KCNH1: variants seen among roughly 807,000 people sequenced by gnomAD.
The protein encoded by KCNH1 is potassium voltage-gated channel subfamily H member 1.
In KCNH1, 27 loss-of-function variants were observed where a neutral mutation model predicts 69.2. The observed-to-expected ratio is 0.39, with a 90% CI of 0.29 to 0.54. The LOEUF (loss-of-function observed/expected upper bound fraction) is 0.54, where lower values mean the gene tolerates loss of function less well. Ranked by LOEUF, KCNH1 falls within the 20% of genes least tolerant of loss-of-function variation. The probability of loss-of-function intolerance (pLI) is 0.68; values close to 1 mark genes in which losing one functional copy is unlikely to be tolerated. For synonymous variants in KCNH1, 456 were observed against 487.7 expected, an observed-to-expected ratio of 0.93 and a Z score of 0.86; for missense variants, 798 against 1,261.6, an observed-to-expected ratio of 0.63 and a Z score of 5.57.
chr1:211,013,563 C>T (rs1486533448), intron 6 of KCNH1, among the ~76,000 whole-genome samples: 2 of 152,220 alleles, frequency 1.3e-5, no homozygotes, highest in African/African-American at 4.8e-5. Flanking sequence ...TCTGAAGAGA[C>T]AGCATGACCC....
At chr1:211,010,977 A>G (rs965067868) in intron 6 of KCNH1, among the ~76,000 whole-genome samples, 1 of 152,036 alleles carries the variant, frequency 6.6e-6, no homozygotes, top group Non-Finnish European at 1.5e-5. Context: ...CCCCAGTGCT[A>G]AACTCTTTTT....
chr1:211,047,298 G>A (rs1690110244), intron 5 of KCNH1, among the ~76,000 whole-genome samples: 1 of 152,154 alleles, frequency 6.6e-6, no homozygotes, highest in Admixed American at 6.5e-5. Context: ...CTCAGACATA[G>A]ATTTGTAATG....
intron 6 of KCNH1, among the ~76,000 whole-genome samples, chr1:210,995,366 A>C (rs1689010256): frequency 6.6e-6 from 1 of 152,222 alleles, no homozygotes; most frequent in Non-Finnish European, 1.5e-5. Flanking sequence ...AGATAAACTT[A>C]AGCCACTAAA....
chr1:211,115,730 T>TATATACAC (rs1159442976), intron 1 of KCNH1, among the ~76,000 whole-genome samples: 3 of 87,032 alleles, frequency 3.4e-5, no homozygotes, highest in African/African-American at 7.4e-5. Context: ...TATATATATA[T>TATATACAC]ACACACACAC....
intron 6 of KCNH1, among the ~76,000 whole-genome samples, chr1:210,983,441 T>G (rs994575339): frequency 6.6e-6 from 1 of 152,312 alleles, no homozygotes; most frequent in South Asian, 2.1e-4. Flanking sequence ...TTGAATTAAT[T>G]TTTGTGTAAG....
At chr1:210,959,211 C>G (rs1235559974) in intron 6 of KCNH1, among the ~76,000 whole-genome samples, 2 of 152,184 alleles carry the variant, frequency 1.3e-5, no homozygotes, top group African/African-American at 4.8e-5. Context: ...GAGGTCCACT[C>G]CAGACCCTGT....
intron 7 of KCNH1, among the ~76,000 whole-genome samples, chr1:210,816,142 A>G (rs1410029310): frequency 6.6e-6 from 1 of 152,198 alleles, no homozygotes; most frequent in East Asian, 1.9e-4. Context: ...TAGGCATAGA[A>G]AGAAGCTCCC....
intron 5 of KCNH1, among the ~76,000 whole-genome samples, chr1:211,069,517 T>C (rs1237455045): frequency 6.6e-6 from 1 of 152,046 alleles, no homozygotes; most frequent in African/African-American, 2.4e-5. Context: ...GTGGACAATA[T>C]GCAAGAACAG....
At chr1:210,789,517 A>C (rs1684173694) in intron 9 of KCNH1, among the ~76,000 whole-genome samples, 1 of 152,240 alleles carries the variant, frequency 6.6e-6, no homozygotes, top group Non-Finnish European at 1.5e-5. Context: ...CAAGACATCT[A>C]TATGAAAAAT....
At chr1:211,123,685 T>TAGGAATG (rs1357738189) in intron 1 of KCNH1, among the ~76,000 whole-genome samples, 1 of 151,748 alleles carries the variant, frequency 6.6e-6, no homozygotes, top group Non-Finnish European at 1.5e-5. Context: ...TGAAGGGACA[T>TAGGAATG]AGGGCATGGG....
chr1:210,718,661 CACACACACA>C (rs1682369156), intron 10 of KCNH1, among the ~76,000 whole-genome samples: 1 of 76,846 alleles, frequency 1.3e-5, no homozygotes, highest in African/African-American at 9.4e-5. Context: ...TACACACACA[CACACACACA>C]CACACACACA....
Position 210,683,589 on chromosome 1 carries a change from C to T in KCNH1, c.2662G>A (p.Asp888Asn), listed in dbSNP as rs778733037. ...TCACCCACGTTGTCCAGGCGCAAGT[C>T]GCTCTTGGTGATGCCACTGTCACAC... Reference protein sequence around the residue: ...DSCDSGITKSDLRLDNVGEAR... With the variant: ...DSCDSGITKSNLRLDNVGEAR... The change falls in exon 11 of 11, where the codon GAC (aspartate) becomes AAC (asparagine). Residue 888 changes from aspartate to asparagine, a missense_variant. Physicochemically the swap from Asp to Asn is conservative, Grantham distance 23. This residue lies in a region of KCNH1 where 331 missense variants were observed against 363.2 expected (regional missense o/e 0.91). Transcript: ENST00000271751. This position sits in a 1 kb window ranked among gnomAD's most constrained non-coding sequence, Gnocchi z 5.7. 8.7e-6 allele frequency: 14 copies of T among 1,614,184 alleles called. No homozygotes were observed. Among genetic ancestry groups the T allele is most frequent in the Non-Finnish European group, 1.2e-5 (14 of 1,180,032 alleles).
chr1:210,948,851 GA>G (rs925571238), intron 6 of KCNH1, among the ~76,000 whole-genome samples: 1 of 148,576 alleles, frequency 6.7e-6, no homozygotes, highest in Non-Finnish European at 1.5e-5. Context: ...AAAAAAAAAA[GA>G]AAAAAATATC....
intron 10 of KCNH1, among the ~76,000 whole-genome samples, chr1:210,765,897 A>G (rs1683620237): frequency 6.6e-6 from 1 of 151,858 alleles, no homozygotes; most frequent in African/African-American, 2.4e-5. Context: ...CCCTGTCTCC[A>G]ATAAAAATAC....
At chr1:210,715,595 A>C (rs1474951345) in intron 10 of KCNH1, among the ~76,000 whole-genome samples, 1 of 152,058 alleles carries the variant, frequency 6.6e-6, no homozygotes, top group Non-Finnish European at 1.5e-5. Flanking sequence ...AAACATCCCC[A>C]GAAGTTTGCA....
chr1:210,906,938 T>TA (rs958056554), intron 7 of KCNH1, among the ~76,000 whole-genome samples: 53 of 152,278 alleles, frequency 3.5e-4, no homozygotes, highest in African/African-American at 1.2e-3. Flanking sequence ...CAAGATCCTT[T>TA]AAAATGACAC....
chr1:210,747,727 T>C lies in KCNH1; in HGVS notation c.2112+27621A>G, dbSNP rs1007148910. ...GCATGCTTGAATGGCTTGAATGTAA[T>C]AGTATTCTACCGAGTTCTTTACTAT... On this transcript the variant is annotated intron_variant, in intron 10 of 10. Transcript: ENST00000271751. Among the ~76,000 whole-genome samples the C allele has an allele frequency of 3.4e-4, 52 of 152,028 alleles. 1 individual carries two copies. The highest frequency in any genetic ancestry group is 7.4e-4 in the Non-Finnish European group (50 of 68,020).
intron 7 of KCNH1, among the ~76,000 whole-genome samples, chr1:210,899,735 A>G (rs1203250498): frequency 6.6e-6 from 1 of 152,204 alleles, no homozygotes; most frequent in African/African-American, 2.4e-5. Flanking sequence ...TCTTCTTAAC[A>G]CTTTAAGGCA....
chr1:211,110,682 G>A (rs1691444898), intron 1 of KCNH1, among the ~76,000 whole-genome samples: 1 of 152,106 alleles, frequency 6.6e-6, no homozygotes, highest in Non-Finnish European at 1.5e-5. Context: ...AGAGAACAAT[G>A]ATGAAGCAAA....
Sources: gnomAD v4.1 joint callset for allele counts (sites outside exome capture counted in the v4.1 genomes callset) on GRCh38, gnomAD v4.1.1 for gene constraint, gnomAD v4.1.1 regional missense constraint, Gnocchi (gnomAD v3.1) non-coding constraint, MANE v1.5 for transcripts, NCBI Gene and HGNC (gene_info 2026-07-23, HGNC 2026-07-21) for gene names.